Variants in ACO2 observed in about 807,000 individuals in gnomAD.
ACO2 encodes the protein aconitate hydratase, mitochondrial.
In ACO2, 31 loss-of-function variants were observed where a neutral mutation model predicts 84.5. The observed-to-expected ratio is 0.37, with a 90% CI of 0.28 to 0.50. The LOEUF (loss-of-function observed/expected upper bound fraction) is 0.50, where lower values mean the gene tolerates loss of function less well. Ranked by LOEUF, ACO2 falls within the 20% of genes least tolerant of loss-of-function variation. ACO2 has a pLI of 0.97. For missense variants in ACO2, 685 were observed against 1,029.3 expected (o/e 0.67, Z 4.58); for synonymous variants, 414 against 412.7 (o/e 1.00, Z -0.04).
chr22:41,508,128 A>G, intron 3 of ACO2, 79 bp downstream of exon 3: 12 of 1,508,948 alleles, frequency 8.0e-6, no homozygotes, highest in South Asian at 5.2e-5. Context: ...GGAGCAAACC[A>G]GGGCATTGCC....
chr22:41,506,488 C>T (rs1277590730), intron 2 of ACO2, among the ~76,000 whole-genome samples: 2 of 152,148 alleles, frequency 1.3e-5, no homozygotes, highest in East Asian at 1.9e-4. Context: ...CTCCTGACCT[C>T]ATGATCCGCC....
At chr22:41,485,738 C>T (rs902215500) in intron 1 of ACO2, among the ~76,000 whole-genome samples, 7 of 151,066 alleles carry the variant, frequency 4.6e-5, no homozygotes, top group South Asian at 2.1e-4. Flanking sequence ...CCACGGCGCT[C>T]GGCCCGCCCG....
At chr22:41,523,986 G>A (rs754217400) in intron 12 of ACO2, 45 bp downstream of exon 12, 115 of 1,561,606 alleles carry the variant, frequency 7.4e-5, no homozygotes, top group Non-Finnish European at 3.5e-6. Flanking sequence ...GCCTCTGGGG[G>A]TCCCTGGCGG....
At chr22:41,519,001 C>G (rs1003554213) in intron 8 of ACO2, among the ~76,000 whole-genome samples, 6 of 152,092 alleles carry the variant, frequency 3.9e-5, no homozygotes, top group African/African-American at 1.4e-4. Context: ...CCCCAGTGTT[C>G]CTGCAAACTG....
chr22:41,521,049 AAAAAAAAAAAG>A (rs1445863153), intron 9 of ACO2, among the ~76,000 whole-genome samples: 5 of 151,104 alleles, frequency 3.3e-5, no homozygotes, highest in African/African-American at 1.2e-4. Flanking sequence ...AAAAAAAAAA[AAAAAAAAAAAG>A]AAAGAAAAGA....
At chr22:41,504,130 C>T (rs1455010017) in intron 2 of ACO2, among the ~76,000 whole-genome samples, 3 of 152,290 alleles carry the variant, frequency 2.0e-5, no homozygotes, top group Non-Finnish European at 2.9e-5. Context: ...GCAGGAGAGC[C>T]GCTTGAACCC....
rs1877947953 is a variant in ACO2 at position 41,515,663 on chromosome 22, G to C, written c.685-104G>C. 7.5e-6 allele frequency: 12 copies of C among 1,595,894 alleles called. No homozygotes were observed. The Admixed American group carries it at 1.8e-4, about 25-fold the overall frequency. On this transcript the variant is annotated intron_variant, in intron 5 of 17. Transcript: ENST00000216254. The surrounding 1 kb of genome is among the most constrained non-coding windows in gnomAD (Gnocchi z 5.8). ...ACTCGAATCTTCTGGGAGGGAGGTAGAGACCAATAAGCAGCAATGTGAATG... is the reference window on the plus strand; with the variant it reads ...ACTCGAATCTTCTGGGAGGGAGGTACAGACCAATAAGCAGCAATGTGAATG...
intron 4 of ACO2, among the ~76,000 whole-genome samples, chr22:41,512,875 T>C (rs1291347866): frequency 6.6e-6 from 1 of 152,176 alleles, no homozygotes; most frequent in African/African-American, 2.4e-5. Flanking sequence ...ATCCACCCTG[T>C]ATGTATGAAA....
intron 12 of ACO2, 126 bp from the exon 13 acceptor site, chr22:41,524,720 A>AG: frequency 1.4e-6 from 2 of 1,450,334 alleles, no homozygotes; most frequent in Non-Finnish European, 1.9e-6. Flanking sequence ...TGAGGAACAC[A>AG]GGGGTCTGGG....
At chr22:41,496,271 T>G (rs999768565) in intron 1 of ACO2, among the ~76,000 whole-genome samples, 1 of 151,970 alleles carries the variant, frequency 6.6e-6, no homozygotes, top group African/African-American at 2.4e-5. Context: ...GCTGAGATCG[T>G]GCCACTACAC....
At chr22:41,501,471 C>T (rs1420063189) in intron 2 of ACO2, among the ~76,000 whole-genome samples, 3 of 152,222 alleles carry the variant, frequency 2.0e-5, no homozygotes, top group African/African-American at 7.2e-5. Context: ...TGGCAATGCA[C>T]ACCAGCCTGC....
At chr22:41,497,250 G>T (rs752249720) in intron 1 of ACO2, among the ~76,000 whole-genome samples, 4 of 151,812 alleles carry the variant, frequency 2.6e-5, no homozygotes, top group Non-Finnish European at 4.4e-5. Flanking sequence ...TGTGTTTTTA[G>T]TAGAGACAGG....
At chr22:41,504,826 C>T (rs1261756966) in intron 2 of ACO2, among the ~76,000 whole-genome samples, 2 of 147,118 alleles carry the variant, frequency 1.4e-5, no homozygotes, top group African/African-American at 5.0e-5. Context: ...TGGGGTCAAT[C>T]CATCCTCCCA....
chr22:41,477,438 C>T (rs908273021), intron 1 of ACO2, among the ~76,000 whole-genome samples: 1 of 151,742 alleles, frequency 6.6e-6, no homozygotes, highest in Non-Finnish European at 1.5e-5. Context: ...GGATTACAGG[C>T]GTGAGCCACC....
At chr22:41,492,070 C>T (rs1201000412) in intron 1 of ACO2, among the ~76,000 whole-genome samples, 1 of 152,196 alleles carries the variant, frequency 6.6e-6, no homozygotes, top group Non-Finnish European at 1.5e-5. Flanking sequence ...GACTTACCTC[C>T]CTGATCTCCA....
At chr22:41,469,268 G>A (rs2037908894) in intron 1 of ACO2, 86 bp downstream of exon 1, 8 of 1,497,546 alleles carry the variant, frequency 5.3e-6, no homozygotes, top group Non-Finnish European at 6.3e-6. Context: ...GGGCGAGGCG[G>A]GCCCAACCTG....
intron 3 of ACO2, among the ~76,000 whole-genome samples, chr22:41,509,480 T>G (rs1412836223): frequency 6.6e-6 from 1 of 152,096 alleles, no homozygotes. Context: ...AGTGCGGGAC[T>G]TGGTCAGTAT....
Position 41,515,268 on chromosome 22 carries a change from A to G in ACO2, c.526-109A>G, listed in dbSNP as rs1457618787. The G allele has an allele frequency of 7.4e-7, 1 of 1,347,916 alleles. No homozygotes were observed. Among genetic ancestry groups the G allele is most frequent in the Non-Finnish European group, 1.1e-6 (1 of 947,576 alleles). 83.5% of individuals were successfully genotyped at this position (1,347,916 alleles called of 1,614,324 possible). A position where few individuals can be genotyped will look rare whatever the true frequency, so the allele number is the denominator to read the frequency against. On this transcript the variant is annotated intron_variant, in intron 4 of 17. Transcript: ENST00000216254. The surrounding 1 kb of genome is among the most constrained non-coding windows in gnomAD (Gnocchi z 5.8). ...AAATGGGGCTGCTCCTACCAGTTCC[A>G]TCCTGGGAGAGTGGCTGGACGTGGT...
intron 1 of ACO2, among the ~76,000 whole-genome samples, chr22:41,488,716 G>C (rs984873211): frequency 2.6e-5 from 4 of 152,174 alleles, no homozygotes; most frequent in Non-Finnish European, 5.9e-5. Context: ...GGTTCTGGGG[G>C]TTTCTTCCTT....
Sources: gnomAD v4.1 joint callset for allele counts (sites outside exome capture counted in the v4.1 genomes callset) on GRCh38, gnomAD v4.1.1 for gene constraint, Gnocchi (gnomAD v3.1) non-coding constraint, MANE v1.5 for transcripts, NCBI Gene and HGNC (gene_info 2026-07-23, HGNC 2026-07-21) for gene names.